Variants in NCR1 observed in about 807,000 individuals in gnomAD.
NCR1 encodes the protein NK cell-activating receptor.
A neutral mutation model predicts 32.5 loss-of-function variants in NCR1; 30 were observed. That is an observed-to-expected ratio of 0.92 (90% confidence interval 0.69 to 1.25). The LOEUF (loss-of-function observed/expected upper bound fraction) is 1.25, where lower values mean the gene tolerates loss of function less well. Among genes scored for constraint, NCR1 ranks in the 50% most tolerant of loss-of-function variants. The pLI is 0.00. For synonymous variants in NCR1, 169 were observed against 143.4 expected (o/e 1.18, Z -1.28); for missense variants, 369 against 380.7 (o/e 0.97, Z 0.26).
the NCR1 span, among the ~76,000 whole-genome samples, chr19:54,930,257 C>T: frequency 1.3e-5 from 2 of 151,776 alleles, no homozygotes; most frequent in African/African-American, 4.8e-5. Context: ...CCTTGAGCAC[C>T]AGAATTCAAA....
the NCR1 span, among the ~76,000 whole-genome samples, chr19:54,922,520 G>C: frequency 1.3e-5 from 2 of 150,854 alleles, no homozygotes; most frequent in African/African-American, 4.9e-5. Context: ...GCTCACGCCT[G>C]TAATCCCACC....
At chr19:54,909,923 A>G (rs1403601382) in intron 4 of NCR1, 95 bp from the exon 5 acceptor site, 2 of 1,082,542 alleles carry the variant, frequency 1.8e-6, no homozygotes, top group South Asian at 1.4e-5. Context: ...CGACAGAGCA[A>G]GACTCCATCT....
At chr19:54,922,899 CAGAA>C in the NCR1 span, among the ~76,000 whole-genome samples, 2 of 150,670 alleles carry the variant, frequency 1.3e-5, no homozygotes, top group African/African-American at 4.9e-5. Context: ...GACACACACA[CAGAA>C]ACAGACACAG....
At chr19:54,903,649 A>G (rs1007727241), upstream of NCR1, among the ~76,000 whole-genome samples, 3 of 138,098 alleles carry the variant, frequency 2.2e-5, no homozygotes, top group African/African-American at 5.4e-5. Context: ...ATATATACAC[A>G]TATATGTATA....
chr19:54,921,887 A>G, the NCR1 span, among the ~76,000 whole-genome samples: 1 of 143,446 alleles, frequency 7.0e-6, no homozygotes, highest in South Asian at 2.3e-4. Context: ...CTTTCCCCAT[A>G]TCAATGCTCT....
intron 6 of NCR1, 150 bp from the exon 7 acceptor site, chr19:54,912,540 A>G: frequency 3.1e-6 from 2 of 650,538 alleles, no homozygotes; most frequent in Admixed American, 3.2e-5. Flanking sequence ...TGGAGGTTGC[A>G]GTGAGCCGAG....
At chr19:54,936,479 T>C in the NCR1 span, 1 of 1,457,084 alleles carries the variant, frequency 6.9e-7, no homozygotes, top group South Asian at 1.1e-5. Flanking sequence ...AATACTCACA[T>C]TGTGTGGAGG....
chr19:54,935,460 C>T, the NCR1 span, among the ~76,000 whole-genome samples: 1 of 152,100 alleles, frequency 6.6e-6, no homozygotes, highest in Non-Finnish European at 1.5e-5. Flanking sequence ...CTTTGGGAGG[C>T]CGAGACAGGC....
chr19:54,917,543 A>T (rs2068160807), downstream of NCR1, among the ~76,000 whole-genome samples: 1 of 150,892 alleles, frequency 6.6e-6, no homozygotes, highest in African/African-American at 2.4e-5. Flanking sequence ...TTGGTCTTGA[A>T]CTCCCGACCT....
the NCR1 span, chr19:54,934,660 C>G: frequency 8.7e-6 from 14 of 1,612,254 alleles, no homozygotes; most frequent in Non-Finnish European, 1.2e-5. This position sits in a 1 kb window ranked among gnomAD's most constrained non-coding sequence, Gnocchi z 6.7. Flanking sequence ...ACCTCCCAAC[C>G]TGTGAAAAGA....
chr19:54,901,899 C>T (rs1164413687), upstream of NCR1, among the ~76,000 whole-genome samples: 3 of 152,108 alleles, frequency 2.0e-5, no homozygotes, highest in African/African-American at 4.8e-5. Context: ...ACCCAGGAGG[C>T]GGAGGTTGCA....
At chr19:54,902,698 T>G (rs1174305925), upstream of NCR1, among the ~76,000 whole-genome samples, 1 of 152,214 alleles carries the variant, frequency 6.6e-6, no homozygotes, top group Non-Finnish European at 1.5e-5. Context: ...GGCTGAGGTC[T>G]GAGGATCCAG....
the NCR1 span, among the ~76,000 whole-genome samples, chr19:54,926,121 G>A: frequency 6.6e-6 from 1 of 152,024 alleles, no homozygotes; most frequent in South Asian, 2.1e-4. Context: ...TCACAACTAA[G>A]GGAGCATCTG....
At chr19:54,923,411 A>T in the NCR1 span, 1 of 408,768 alleles carries the variant, frequency 2.4e-6, no homozygotes, top group African/African-American at 2.0e-5. Flanking sequence ...GAATCAACCG[A>T]ATCATCCCTG....
the NCR1 span, among the ~76,000 whole-genome samples, chr19:54,926,010 A>T: frequency 6.6e-6 from 1 of 151,746 alleles, no homozygotes; most frequent in South Asian, 2.1e-4. Flanking sequence ...CTCAAAAAAA[A>T]GACAGATTCA....
the NCR1 span, among the ~76,000 whole-genome samples, chr19:54,922,830 A>G: frequency 1.3e-5 from 2 of 151,476 alleles, no homozygotes; most frequent in Non-Finnish European, 2.9e-5. Flanking sequence ...ACATACAAAG[A>G]CAGAGATAGA....
the NCR1 span, chr19:54,938,085 A>T: frequency 6.2e-7 from 1 of 1,614,146 alleles, no homozygotes; most frequent in Non-Finnish European, 8.5e-7. Flanking sequence ...TTACGTGGTC[A>T]CAAAGAATCC....
At chr19:54,933,901 C>T in the NCR1 span, among the ~76,000 whole-genome samples, 4 of 152,290 alleles carry the variant, frequency 2.6e-5, no homozygotes, top group Non-Finnish European at 4.4e-5. Context: ...AGCAGGAAGG[C>T]GAGAAGGCCA....
chr19:54,916,576 C>T (rs1216725565), downstream of NCR1, among the ~76,000 whole-genome samples: 1 of 151,752 alleles, frequency 6.6e-6, no homozygotes, highest in East Asian at 1.9e-4. Flanking sequence ...TCCCAAAGTG[C>T]TGGGATTACA....
Sources: gnomAD v4.1 joint callset for allele counts (sites outside exome capture counted in the v4.1 genomes callset) on GRCh38, gnomAD v4.1.1 for gene constraint, Gnocchi (gnomAD v3.1) non-coding constraint, MANE v1.5 for transcripts, NCBI Gene and HGNC (gene_info 2026-07-23, HGNC 2026-07-21) for gene names.